The following SENP5 variants were observed in gnomAD, a reference collection of about 807,000 sequenced individuals.
The protein encoded by SENP5 is sentrin-specific protease 5.
Under a neutral mutation model 74.2 loss-of-function variants are expected in SENP5, and 21 were observed. The observed-to-expected ratio is 0.28, with a 90% confidence interval of 0.20 to 0.41. The LOEUF is 0.41. SENP5 is among the 10% of genes least tolerant of loss of function. The probability of loss-of-function intolerance (pLI) is 1.00; values close to 1 mark genes in which losing one functional copy is unlikely to be tolerated. For synonymous variants in SENP5, 311 were observed against 312.7 expected (o/e 0.99, Z 0.06); for missense variants, 717 against 889.1 (o/e 0.81, Z 2.46).
At chr3:196,882,862 G>A (rs1713786486) in intron 1 of SENP5, among the ~76,000 whole-genome samples, 1 of 151,964 alleles carries the variant, frequency 6.6e-6, no homozygotes, top group African/African-American at 2.4e-5. Flanking sequence ...TTAACACATG[G>A]TGGAATGTGT....
intron 6 of SENP5, among the ~76,000 whole-genome samples, chr3:196,905,437 T>C (rs561394149): frequency 1.1e-4 from 16 of 152,198 alleles, no homozygotes; most frequent in African/African-American, 3.6e-4. Context: ...CCCCACCCAC[T>C]TCAGACACCA....
At chr3:196,876,855 A>T (rs1713499217) in intron 1 of SENP5, among the ~76,000 whole-genome samples, 1 of 152,180 alleles carries the variant, frequency 6.6e-6, no homozygotes, top group African/African-American at 2.4e-5. Context: ...CCTGGGTGAC[A>T]GAGTGAGACA....
chr3:196,887,759 T>C (rs1171855185), intron 2 of SENP5, among the ~76,000 whole-genome samples: 1 of 152,178 alleles, frequency 6.6e-6, no homozygotes, highest in African/African-American at 2.4e-5. Context: ...GTAAAACTTA[T>C]CTGTCTTTTT....
At chr3:196,906,143 C>T (rs1322985790) in intron 6 of SENP5, among the ~76,000 whole-genome samples, 1 of 152,028 alleles carries the variant, frequency 6.6e-6, no homozygotes, top group Non-Finnish European at 1.5e-5. Flanking sequence ...TCGTTTGAAC[C>T]CAGGAGGTGG....
chr3:196,911,340 A>G (rs1016358407), intron 6 of SENP5, among the ~76,000 whole-genome samples: 30 of 152,358 alleles, frequency 2.0e-4, no homozygotes, highest in African/African-American at 6.7e-4. Context: ...TCCAGAATCT[A>G]CAAGGAACTT....
chr3:196,885,983 G>A lies in SENP5; in HGVS notation c.802G>A (p.Val268Ile), dbSNP rs759400370. ...GCTAAGAAAAGCCCAGCGAAGCTGG[G>A]TACAGAAAGTCACTGGGGACCATCA... ...CKLRKAQRSW[V>I]QKVTGDHQET... Residue 268 changes from valine (V) to isoleucine (I), a missense_variant, in exon 2 of 10, where the codon GTA becomes ATA. Coordinates refer to ENST00000323460, the MANE Select transcript of SENP5 (RefSeq NM_152699.5). 4.3e-6 allele frequency: 7 copies of A among 1,614,230 alleles called. No homozygotes were observed. In the South Asian group the frequency reaches 7.7e-5, roughly 18 times the overall value.
intron 5 of SENP5, among the ~76,000 whole-genome samples, chr3:196,902,325 G>C (rs1714733893): frequency 6.6e-6 from 1 of 152,160 alleles, no homozygotes; most frequent in African/African-American, 2.4e-5. Context: ...CAGGAGTCTT[G>C]CTATGTTGCC....
In SENP5 at chr3:196,885,899, A is replaced by G; in HGVS notation, c.718A>G (p.Arg240Gly). 1 of 1,613,680 alleles carries G rather than the reference A, an allele frequency of 6.2e-7. No individual in the cohort carries two copies. The highest frequency in any genetic ancestry group is 1.1e-5 in the South Asian group (1 of 91,000). Residue 240 changes from arginine (R) to glycine (G), a missense_variant, in exon 2 of 10, where the codon AGA (arginine) becomes GGA (glycine). By Grantham distance (125) the Arg-to-Gly change is moderately radical. This residue lies in a region of SENP5 where 567 missense variants were observed against 577.4 expected (regional missense o/e 0.98). Coordinates refer to ENST00000323460, the MANE Select transcript of SENP5 (RefSeq NM_152699.5). Reference sequence around the variant, plus strand: ...GATGTATGAGAAATTATCCATGATTAGATTTCGGTACAGGATTCTCAGATC... The same window carrying G: ...GATGTATGAGAAATTATCCATGATTGGATTTCGGTACAGGATTCTCAGATC... ...LMMYEKLSMI[R>G]FRYRILRSQH...
At chr3:196,870,559 G>T (rs538430431) in intron 1 of SENP5, among the ~76,000 whole-genome samples, 43 of 151,704 alleles carry the variant, frequency 2.8e-4, no homozygotes, top group African/African-American at 1.0e-3. Flanking sequence ...TCACTCTTGT[G>T]CAGGCTGGAG....
rs1420453336 is a variant in SENP5 at position 196,934,135 on chromosome 3, AG to A, written c.*3215del. 1 of 152,206 alleles carries A rather than the reference AG, an allele frequency of 6.6e-6. No individual in the cohort carries two copies. Among genetic ancestry groups the A allele is most frequent in the Non-Finnish European group, 1.5e-5 (1 of 68,034 alleles). 9.4% of individuals were successfully genotyped at this position (152,206 alleles called of 1,614,324 possible). On this transcript the variant is annotated 3_prime_UTR_variant, in exon 10 of 10. Transcript: ENST00000323460. ...CAACTTTCAGTTAGCCTCTTAAGAA[AG>A]GGAAAAAAAGGTGCTGCCAGTCATC...
At chr3:196,909,392 A>G (rs538292312) in intron 6 of SENP5, among the ~76,000 whole-genome samples, 77 of 152,266 alleles carry the variant, frequency 5.1e-4, no homozygotes, top group East Asian at 7.7e-4. Context: ...AAAAGGAGGA[A>G]CTCCTCCCTA....
At chr3:196,898,951 C>G (rs1461760226) in intron 2 of SENP5, among the ~76,000 whole-genome samples, 1 of 151,968 alleles carries the variant, frequency 6.6e-6, no homozygotes, top group African/African-American at 2.4e-5. Flanking sequence ...TGGTGGCAGG[C>G]GCCTGTAGTC....
intron 1 of SENP5, among the ~76,000 whole-genome samples, chr3:196,871,842 G>C (rs1713230059): frequency 7.0e-6 from 1 of 142,648 alleles, no homozygotes; most frequent in Admixed American, 7.1e-5. Context: ...GTGACACAGT[G>C]AGACTCCATC....
chr3:196,907,297 C>T (rs1427834309), intron 6 of SENP5, among the ~76,000 whole-genome samples: 1 of 151,754 alleles, frequency 6.6e-6, no homozygotes, highest in Non-Finnish European at 1.5e-5. Flanking sequence ...CACGGTGAAA[C>T]CCCATCTCTA....
intron 8 of SENP5, 63 bp from the exon 9 acceptor site, chr3:196,929,570 T>A: frequency 9.4e-7 from 1 of 1,067,288 alleles, no homozygotes; most frequent in South Asian, 1.4e-5. Flanking sequence ...CATAAAGGAG[T>A]TTTTCTTATC....
At chr3:196,879,762 GT>G (rs1021393815) in intron 1 of SENP5, among the ~76,000 whole-genome samples, 23 of 152,048 alleles carry the variant, frequency 1.5e-4, no homozygotes, top group Admixed American at 1.0e-3. Context: ...AACCTTTTTT[GT>G]TAGTTGTTAT....
chr3:196,928,981 G>A (rs1715918916), intron 8 of SENP5, among the ~76,000 whole-genome samples: 8 of 152,132 alleles, frequency 5.3e-5, no homozygotes, highest in Admixed American at 5.2e-4. Flanking sequence ...CGTGAGTCTA[G>A]GAGTTCAAGA....
chr3:196,906,947 A>T (rs1252426320), intron 6 of SENP5, among the ~76,000 whole-genome samples: 1 of 152,178 alleles, frequency 6.6e-6, no homozygotes, highest in African/African-American at 2.4e-5. Context: ...GGAGAGATGG[A>T]AGATGAGTGT....
At chr3:196,918,239 G>A (rs1293976990) in intron 6 of SENP5, among the ~76,000 whole-genome samples, 25 of 151,618 alleles carry the variant, frequency 1.6e-4, no homozygotes, top group African/African-American at 5.3e-4. Flanking sequence ...CCTGGGAGGC[G>A]GAGCTTGCAG....
Sources: allele counts gnomAD v4.1 joint callset (sites outside exome capture counted in the v4.1 genomes callset), GRCh38; gene constraint gnomAD v4.1.1; regional missense constraint gnomAD v4.1.1; transcripts MANE v1.5; gene names NCBI Gene and HGNC (gene_info 2026-07-23, HGNC 2026-07-21).